Variants in LSS observed in about 807,000 individuals in gnomAD.
LSS encodes the protein 2,3-epoxysqualene-lanosterol cyclase.
In LSS, 90 loss-of-function variants were observed where a neutral mutation model predicts 110.3. That is an observed-to-expected ratio of 0.82 (90% CI 0.69 to 0.97). LSS has a LOEUF of 0.97. LSS is among the 50% of genes least tolerant of loss of function. The probability of loss-of-function intolerance (pLI) is 0.00; values close to 1 mark genes in which losing one functional copy is unlikely to be tolerated. For missense variants in LSS, 927 were observed against 990.0 expected, an observed-to-expected ratio of 0.94 and a Z score of 0.85; for synonymous variants, 433 against 400.0, an observed-to-expected ratio of 1.08 and a Z score of -0.98.
intron 10 of LSS, 125 bp from the exon 11 acceptor site, chr21:46,213,177 C>A: frequency 1.1e-6 from 1 of 877,228 alleles, no homozygotes; most frequent in Non-Finnish European, 1.9e-6. Flanking sequence ...CTGGCACTGG[C>A]CTGGATGCCA....
intron 17 of LSS, among the ~76,000 whole-genome samples, chr21:46,199,970 C>T (rs1275668309): frequency 1.3e-5 from 2 of 152,254 alleles, no homozygotes; most frequent in East Asian, 1.9e-4. Flanking sequence ...ATGTTGCAAA[C>T]GCACCACTTG....
Position 46,194,626 on chromosome 21 carries a change from A to C in LSS, c.1853T>G (p.Phe618Cys). Residue 618 changes from phenylalanine (F) to cysteine (C), a missense_variant, in exon 20 of 22, where the codon TTC becomes TGC. Coordinates refer to ENST00000397728, the MANE Select transcript of LSS (RefSeq NM_002340.6). ...GTCTGCCATCTGCCGGGACAGCAGG[A>C]AGTCACAGGCCCGGGAGACCTCTGC... ...ACAEVSRACDFLLSRQMADGG... is the reference protein window; with the variant it reads ...ACAEVSRACDCLLSRQMADGG... 6.2e-7 allele frequency: 1 copy of C among 1,613,620 alleles called. No individual in the cohort carries two copies. Among genetic ancestry groups the C allele is most frequent in the Non-Finnish European group, 8.5e-7 (1 of 1,180,012 alleles).
rs1194324042 is a variant in LSS, at chr21:46,226,137, A to C, written c.319+1415T>G. On this transcript the variant is annotated intron_variant, in intron 3 of 21. Transcript: ENST00000397728. ...GGGAACAAGAGCGAACGCTGTCTCA[A>C]AAAAAAAAAAAAAATACAAAAAAAC... 1.4e-3 allele frequency among the ~76,000 whole-genome samples: 51 copies of C among 35,196 alleles called. 2 individuals carry two copies. The allele number at this position is 35,196 out of a possible 152,430, so 23.1% of individuals were successfully genotyped here.
Position 46,209,612 on chromosome 21 carries a change from T to G in LSS, c.1208A>C (p.His403Pro). 2.5e-6 allele frequency: 4 copies of G among 1,591,826 alleles called. No individual in the cohort carries two copies. The highest frequency in any genetic ancestry group is 3.4e-6 in the Non-Finnish European group (4 of 1,170,712). The change falls in exon 13 of 22, where the codon CAC (histidine) becomes CCC (proline). Residue 403 changes from histidine (H) to proline (P), a missense_variant. His to Pro is a moderately conservative substitution (Grantham distance 77, BLOSUM62 -2). Transcript: ENST00000397728. The surrounding 1 kb of genome is among the most constrained non-coding windows in gnomAD (Gnocchi z 4.4). ...IQALLEAGGHHRPEFSSCLQK... is the reference protein window; with the variant it reads ...IQALLEAGGHPRPEFSSCLQK... ...CAGGCAGGACGAAAACTCGGGCCTG[T>G]GGTGCCCGCCCGCCTGGAAGAGACA...
chr21:46,222,801 C>T, intron 3 of LSS, 63 bp from the exon 4 acceptor site: 1 of 1,257,482 alleles, frequency 8.0e-7, no homozygotes, highest in East Asian at 2.4e-5. Flanking sequence ...AGACCAGGCC[C>T]CTTTCCTCCT....
chr21:46,211,398 G>A (rs548589930), intron 11 of LSS, among the ~76,000 whole-genome samples: 2 of 152,260 alleles, frequency 1.3e-5, no homozygotes, highest in African/African-American at 4.8e-5. Flanking sequence ...CAAAGTGTAG[G>A]GATTACAGGC....
At chr21:46,193,099 C>A (rs1165129106) in intron 20 of LSS, 1 of 445,438 alleles carries the variant, frequency 2.2e-6, no homozygotes, top group Non-Finnish European at 4.5e-6. Context: ...GTGGGTGCAT[C>A]TGCATGTGTG....
At chr21:46,200,442 T>C (rs1176399749) in intron 17 of LSS, among the ~76,000 whole-genome samples, 1 of 152,178 alleles carries the variant, frequency 6.6e-6, no homozygotes, top group East Asian at 1.9e-4. Context: ...GGTCATCACC[T>C]TAATCAAGGG....
Position 46,191,869 on chromosome 21 carries a change from C to G in LSS, c.2067+12G>C. The stretch of plus-strand genomic sequence containing the variant: ...TGCTGGGCCTTGTGCGCTCAGGTCC[C>G]TGGCGGCATACCTGCGGCCAGTCGC... On this transcript the variant is annotated intron_variant, in intron 21 of 21. Coordinates refer to ENST00000397728, the MANE Select transcript of LSS (RefSeq NM_002340.6). The G allele has an allele frequency of 6.2e-7, 1 of 1,610,856 alleles. No homozygotes were observed. The highest frequency in any genetic ancestry group is 8.5e-7 in the Non-Finnish European group (1 of 1,178,346).
rs746415650 is a variant in LSS, at chr21:46,221,915, A to G, written c.489T>C (p.Ile163=). The change falls in exon 5 of 22, where the codon ATT becomes ATC. Residue 163 remains isoleucine (I), a synonymous_variant. Coordinates refer to ENST00000397728, the MANE Select transcript of LSS (RefSeq NM_002340.6). ...CAGGATCGTCAGGCCCAACACCCAG[A>G]ATTCTGAGAGACACATAGTTGAGCG... ...GTALNYVSLR[I]LGVGPDDPDL... The G allele has an allele frequency of 1.2e-5, 19 of 1,614,016 alleles. No individual in the cohort carries two copies. The highest frequency in any genetic ancestry group is 1.6e-5 in the Non-Finnish European group (19 of 1,180,026).
intron 17 of LSS, among the ~76,000 whole-genome samples, chr21:46,203,118 C>T (rs866605240): frequency 6.6e-6 from 1 of 152,214 alleles, no homozygotes; most frequent in Non-Finnish European, 1.5e-5. Context: ...AGTCACCAGG[C>T]CAGGTCAGAC....
At position 46,209,452 on chromosome 21, in the gene LSS, A is replaced by C. The variant is rs140836495; in HGVS notation, c.1266+102T>G. ...GGGTGACCTGAAACACCAGTGCAGGAAATAGGGCAGGGTGGAGGTGAGGTG... is the reference window on the plus strand; with the variant it reads ...GGGTGACCTGAAACACCAGTGCAGGCAATAGGGCAGGGTGGAGGTGAGGTG... On this transcript the variant is annotated intron_variant, in intron 13 of 21. Transcript: ENST00000397728. The surrounding 1 kb of genome is among the most constrained non-coding windows in gnomAD (Gnocchi z 4.4). 1,798 of 1,077,702 alleles carry C rather than the reference A, an allele frequency of 1.7e-3. 5 individuals are homozygous for C. The highest frequency in any genetic ancestry group is 2.0e-3 in the Non-Finnish European group (1,519 of 747,482). The allele number at this position is 1,077,702 out of a possible 1,614,324, so 66.8% of individuals were successfully genotyped here. A position where few individuals can be genotyped will look rare whatever the true frequency, so the allele number is the denominator to read the frequency against.
At chr21:46,221,627 G>A in intron 5 of LSS, 1 of 579,530 alleles carries the variant, frequency 1.7e-6, no homozygotes, top group East Asian at 3.1e-5. Context: ...CAAAGTGCTG[G>A]AATTGCAGGC....
chr21:46,221,620 A>C, intron 5 of LSS: 1 of 563,270 alleles, frequency 1.8e-6, no homozygotes, highest in Non-Finnish European at 3.1e-6. Context: ...AGTCTCCCAA[A>C]GTGCTGGAAT....
At position 46,192,713 on chromosome 21, in the gene LSS, C is replaced by G. The variant is rs572052948; in HGVS notation, c.1989-754G>C. 6.2e-5 allele frequency: 28 copies of G among 452,378 alleles called. No homozygotes were observed. In the East Asian group the frequency reaches 1.6e-3, roughly 25 times the overall value. The allele number at this position is 452,378 out of a possible 1,614,324, so 28.0% of individuals were successfully genotyped here. ...TGCATCTGTCTCCATGTACGTATGT[C>G]TGTGTGTGGCACAGATGGGATACTG... On this transcript the variant is annotated intron_variant, in intron 20 of 21. Transcript: ENST00000397728.
At chr21:46,224,851 CT>C (rs1227577034) in intron 3 of LSS, 3 of 134,614 alleles carry the variant, frequency 2.2e-5, no homozygotes, top group Non-Finnish European at 4.5e-5. Context: ...TGGCTCACGC[CT>C]GTAATCCCAG....
In LSS at chr21:46,191,924, C is replaced by T. The variant is rs549479604; in HGVS notation, c.2024G>A (p.Arg675Gln). 58 of 1,613,748 alleles carry T rather than the reference C, an allele frequency of 3.6e-5. No homozygotes were observed. In the Admixed American group the frequency reaches 4.0e-4, roughly 11 times the overall value. ...GGGGAGCTGTTTCTCAAGTAGACAC[C>T]GGACTCCTCTCTCCTGGGCCTCGAT... ...PDIEAQERGV[R>Q]CLLEKQLPNG... Residue 675 changes from arginine to glutamine, a missense_variant, in exon 21 of 22, where the codon CGG becomes CAG. Arg to Gln is a conservative substitution (Grantham distance 43, BLOSUM62 1). Coordinates refer to ENST00000397728, the MANE Select transcript of LSS (RefSeq NM_002340.6).
rs77157407 is a variant in LSS, at chr21:46,214,023, G to A, written c.1012-188C>T. Among the ~76,000 whole-genome samples, 125 of 152,334 alleles carry A rather than the reference G, an allele frequency of 8.2e-4. 4 individuals carry two copies. The East Asian group carries it at 0.02, about 25-fold the overall frequency. Reference sequence around the variant, plus strand: ...AGGATGGGCAACAACTGTGTCCCCAGGACCCAACTCAGACAGAGGCAGTGT... The same window carrying A: ...AGGATGGGCAACAACTGTGTCCCCAAGACCCAACTCAGACAGAGGCAGTGT... On this transcript the variant is annotated intron_variant, in intron 9 of 21. Coordinates refer to ENST00000397728, the MANE Select transcript of LSS (RefSeq NM_002340.6).
rs746907288 is a variant in LSS at position 46,195,775 on chromosome 21, A to G, written c.1737-19T>C. Reference sequence around the variant, plus strand: ...CCAGGAGCTGGAGGGAAACAGGGAGAGCCTCAGCCCTTCCACCCTGTTCAC... The same window carrying G: ...CCAGGAGCTGGAGGGAAACAGGGAGGGCCTCAGCCCTTCCACCCTGTTCAC... On this transcript the variant is annotated intron_variant, in intron 18 of 21. Coordinates refer to ENST00000397728, the MANE Select transcript of LSS (RefSeq NM_002340.6). 90 of 1,604,134 alleles carry G rather than the reference A, an allele frequency of 5.6e-5. No homozygotes were observed. In the South Asian group the frequency reaches 9.4e-4, roughly 17 times the overall value.
Sources: allele counts gnomAD v4.1 joint callset (sites outside exome capture counted in the v4.1 genomes callset), GRCh38; gene constraint gnomAD v4.1.1; non-coding constraint Gnocchi (gnomAD v3.1); transcripts MANE v1.5; gene names NCBI Gene and HGNC (gene_info 2026-07-23, HGNC 2026-07-21).